ABLIM1: variants seen among roughly 807,000 people sequenced by gnomAD.
The protein encoded by ABLIM1 is actin binding LIM protein 1.
A neutral mutation model predicts 107.0 loss-of-function variants in ABLIM1; 40 were observed. The ratio of observed to expected loss-of-function variants is 0.37; its 90% CI spans 0.29 to 0.49. The LOEUF is 0.49. ABLIM1 is among the 20% of genes least tolerant of loss of function. ABLIM1 has a pLI of 0.97. For synonymous variants in ABLIM1, 357 were observed against 357.3 expected (o/e 1.00, Z 0.01); for missense variants, 857 against 1,008.5 (o/e 0.85, Z 2.04).
rs1308588102 is a variant in ABLIM1, at chr10:114,629,679, G to T, written c.245-27718C>A. Among the ~76,000 whole-genome samples the T allele has an allele frequency of 6.6e-6, 1 of 152,170 alleles. No homozygotes were observed. Among genetic ancestry groups the T allele is most frequent in the East Asian group, 1.9e-4 (1 of 5,184 alleles). ...AGAATGAGTACTTTGTCCACAATCT[G>T]CTGTGTGACCTTCAGCAACCTACTT... On this transcript the variant is annotated intron_variant, in intron 1 of 22. Coordinates refer to ENST00000533213, the MANE Select transcript of ABLIM1 (RefSeq NM_002313.7). The surrounding 1 kb of genome is among the most constrained non-coding windows in gnomAD (Gnocchi z 4.0).
intron 1 of ABLIM1, among the ~76,000 whole-genome samples, chr10:114,630,191 C>T (rs936023608): frequency 2.0e-5 from 3 of 152,102 alleles, no homozygotes; most frequent in Admixed American, 6.5e-5. Context: ...CCAAGAGTCC[C>T]GCAAGAATGG....
At chr10:114,742,652 G>T (rs894177942) in intron 1 of ABLIM1, among the ~76,000 whole-genome samples, 1 of 152,154 alleles carries the variant, frequency 6.6e-6, no homozygotes, top group African/African-American at 2.4e-5. Flanking sequence ...ACCTCAGCCA[G>T]GCACAGTGGC....
chr10:114,645,092 A>G (rs2078955474), intron 1 of ABLIM1, among the ~76,000 whole-genome samples: 2 of 152,190 alleles, frequency 1.3e-5, no homozygotes, highest in Admixed American at 6.5e-5. Context: ...TACCAAAATA[A>G]TATCTCAGTT....
At chr10:114,632,551 T>C in intron 1 of ABLIM1, 1 of 985,222 alleles carries the variant, frequency 1.0e-6, no homozygotes, top group Non-Finnish European at 1.2e-6. Context: ...TTATGAAAAA[T>C]GAATAATGAC....
intron 12 of ABLIM1, among the ~76,000 whole-genome samples, chr10:114,454,183 C>T (rs2062392471): frequency 6.6e-6 from 1 of 152,126 alleles, no homozygotes. Flanking sequence ...TTATTGAACA[C>T]CTACTATGGC....
At chr10:114,438,456 T>C (rs1342463630) in intron 21 of ABLIM1, among the ~76,000 whole-genome samples, 3 of 152,160 alleles carry the variant, frequency 2.0e-5, no homozygotes, top group Non-Finnish European at 4.4e-5. Flanking sequence ...AGATGGGATT[T>C]TGCCATGTTG....
intron 1 of ABLIM1, among the ~76,000 whole-genome samples, chr10:114,713,918 G>C (rs1048142365): frequency 6.6e-6 from 1 of 152,256 alleles, no homozygotes; most frequent in South Asian, 2.1e-4. Context: ...AGACAAAAAC[G>C]GGAAGCTGAC....
intron 6 of ABLIM1, among the ~76,000 whole-genome samples, chr10:114,517,274 G>A (rs1238076669): frequency 6.6e-6 from 1 of 152,124 alleles, no homozygotes; most frequent in Non-Finnish European, 1.5e-5. Context: ...CAAAATACAG[G>A]ACAGGACGGG....
chr10:114,530,814 G>C (rs1049194414), intron 6 of ABLIM1, among the ~76,000 whole-genome samples: 7 of 152,318 alleles, frequency 4.6e-5, no homozygotes, highest in African/African-American at 1.7e-4. Flanking sequence ...GATTATAGGC[G>C]TGAGCCACCA....
chr10:114,543,389 T>A (rs1480583299), intron 6 of ABLIM1, among the ~76,000 whole-genome samples: 1 of 152,230 alleles, frequency 6.6e-6, no homozygotes, highest in East Asian at 1.9e-4. Context: ...ATTCTAGATA[T>A]TTTATATAAA....
At chr10:114,694,282 A>G (rs80120990) in intron 1 of ABLIM1, among the ~76,000 whole-genome samples, 2,437 of 152,266 alleles carry the variant, frequency 0.016, 62 homozygotes, top group African/African-American at 0.054. Flanking sequence ...CCACTCTGAG[A>G]AAACATCACG....
At chr10:114,777,401 T>G in the ABLIM1 span, among the ~76,000 whole-genome samples, 1 of 152,346 alleles carries the variant, frequency 6.6e-6, no homozygotes, top group East Asian at 1.9e-4. Context: ...AACTCAAGTA[T>G]ATCAACCATC....
chr10:114,644,425 A>G (rs1297392971), intron 1 of ABLIM1, among the ~76,000 whole-genome samples: 3 of 146,932 alleles, frequency 2.0e-5, no homozygotes, highest in Non-Finnish European at 4.5e-5. Context: ...CTGTTATTTA[A>G]CCTGTATATT....
intron 2 of ABLIM1, among the ~76,000 whole-genome samples, chr10:114,588,441 G>T (rs762843340): frequency 6.6e-6 from 1 of 151,406 alleles, no homozygotes; most frequent in African/African-American, 2.4e-5. Flanking sequence ...TAGATGGAAC[G>T]GAACAGGTAG....
rs562458795 is a variant in ABLIM1, at chr10:114,458,862, G to A, written c.1442-5379C>T. 5.9e-5 allele frequency among the ~76,000 whole-genome samples: 9 copies of A among 152,298 alleles called. No individual in the cohort carries two copies. In the South Asian group the frequency reaches 1.2e-3, roughly 21 times the overall value. The stretch of plus-strand genomic sequence containing the variant: ...TTACAAACGAAGCCCGAAACAAAGC[G>A]AAAATGGTTTTTCCAAATCTCTAGG... On this transcript the variant is annotated intron_variant, in intron 12 of 22. Transcript: ENST00000533213.
chr10:114,777,423 T>A, the ABLIM1 span, among the ~76,000 whole-genome samples: 1,818 of 152,338 alleles, frequency 0.012, 42 homozygotes, highest in African/African-American at 0.042. Flanking sequence ...GTGGCTTTGC[T>A]CATATTGTCT....
At chr10:114,623,236 T>C (rs2077578259) in intron 1 of ABLIM1, among the ~76,000 whole-genome samples, 1 of 152,254 alleles carries the variant, frequency 6.6e-6, no homozygotes, top group Non-Finnish European at 1.5e-5. Flanking sequence ...CTGCAGAATA[T>C]GCACACCTGT....
chr10:114,760,898 T>C (rs1198967958), intron 1 of ABLIM1, among the ~76,000 whole-genome samples: 2 of 152,262 alleles, frequency 1.3e-5, no homozygotes, highest in East Asian at 3.8e-4. Flanking sequence ...GGAAATGTAG[T>C]GTTTTGCTGT....
chr10:114,448,117 AG>A, intron 14 of ABLIM1, 97 bp from the exon 15 acceptor site: 4 of 1,512,692 alleles, frequency 2.6e-6, no homozygotes, highest in Non-Finnish European at 3.6e-6. Context: ...CTCTGGCAAA[AG>A]TTTCAGTTCC....
Sources: gnomAD v4.1 joint callset for allele counts (sites outside exome capture counted in the v4.1 genomes callset) on GRCh38, gnomAD v4.1.1 for gene constraint, Gnocchi (gnomAD v3.1) non-coding constraint, MANE v1.5 for transcripts, NCBI Gene and HGNC (gene_info 2026-07-23, HGNC 2026-07-21) for gene names.